Variants in GADL1 observed in about 807,000 individuals in gnomAD.
GADL1 encodes the protein GAD like acidic amino acid decarboxylase 1.
Under a neutral mutation model 69.5 loss-of-function variants are expected in GADL1, and 71 were observed. That is an observed-to-expected ratio of 1.02 (90% CI 0.84 to 1.25). The LOEUF (loss-of-function observed/expected upper bound fraction) is 1.25. Ranked by LOEUF, GADL1 falls within the 50% of genes most tolerant of loss-of-function variation. The pLI is 0.00. For synonymous variants in GADL1, 254 were observed against 214.4 expected (o/e 1.18, Z -1.62); for missense variants, 737 against 631.8 (o/e 1.17, Z -1.79).
intron 14 of GADL1, among the ~76,000 whole-genome samples, chr3:30,748,462 T>C (rs1695745386): frequency 6.6e-6 from 1 of 151,866 alleles, no homozygotes; most frequent in Non-Finnish European, 1.5e-5. Context: ...CCCCATAGAG[T>C]TGATACAATC....
chr3:30,864,089 G>A (rs994189213), intron 1 of GADL1, among the ~76,000 whole-genome samples: 4 of 152,070 alleles, frequency 2.6e-5, no homozygotes, highest in African/African-American at 7.2e-5. Context: ...TGAAACCCTA[G>A]AATTGAGCTT....
intron 11 of GADL1, among the ~76,000 whole-genome samples, chr3:30,817,114 A>G (rs1049602713): frequency 6.6e-6 from 1 of 152,184 alleles, no homozygotes; most frequent in Admixed American, 6.5e-5. Flanking sequence ...ATGAGAGACA[A>G]TATGTCTTCT....
chr3:30,728,878 A>C (rs1695410756), intron 14 of GADL1, among the ~76,000 whole-genome samples: 1 of 152,200 alleles, frequency 6.6e-6, no homozygotes, highest in Non-Finnish European at 1.5e-5. Flanking sequence ...TTAGTCATAG[A>C]TGGAAAAGAA....
intron 9 of GADL1, among the ~76,000 whole-genome samples, 157 bp from the exon 10 acceptor site, chr3:30,834,438 G>A (rs1697840245): frequency 6.6e-6 from 1 of 151,978 alleles, no homozygotes; most frequent in African/African-American, 2.4e-5. Context: ...TCTGATCACT[G>A]GCTCTACTCA....
intron 14 of GADL1, among the ~76,000 whole-genome samples, chr3:30,770,097 A>G (rs2062775): frequency 0.22 from 33,725 of 152,084 alleles, 6,809 homozygotes; most frequent in African/African-American, 0.54. Context: ...AGCTGAGTAG[A>G]GGTTGTTCCC....
chr3:30,823,221 A>G (rs149197904), intron 11 of GADL1, among the ~76,000 whole-genome samples: 1,687 of 150,296 alleles, frequency 0.011, 21 homozygotes, highest in Middle Eastern at 0.031. Context: ...TTTCAGACTC[A>G]GGGAGGACAG....
chr3:30,800,291 G>A (rs1697133414), intron 12 of GADL1: 1 of 153,074 alleles, frequency 6.5e-6, no homozygotes, highest in Non-Finnish European at 1.5e-5. Flanking sequence ...GAGAAAACGA[G>A]GAAGAATGCA....
At chr3:30,830,846 A>G (rs1350896571) in intron 11 of GADL1, among the ~76,000 whole-genome samples, 1 of 151,920 alleles carries the variant, frequency 6.6e-6, no homozygotes, top group Non-Finnish European at 1.5e-5. Flanking sequence ...TTTCACTCTC[A>G]ACTCTTTCCT....
chr3:30,733,079 C>A (rs1366444854), intron 14 of GADL1, among the ~76,000 whole-genome samples: 1 of 151,998 alleles, frequency 6.6e-6, no homozygotes, highest in African/African-American at 2.4e-5. Context: ...TTCAAACTAT[C>A]TGTGGGGAAG....
At chr3:30,813,492 AAATC>A (rs1480592979) in intron 11 of GADL1, among the ~76,000 whole-genome samples, 1 of 152,158 alleles carries the variant, frequency 6.6e-6, no homozygotes, top group Non-Finnish European at 1.5e-5. Flanking sequence ...ATACTTAACA[AAATC>A]AATCTATGTC....
chr3:30,855,444 G>A (rs1698214653), intron 3 of GADL1, among the ~76,000 whole-genome samples: 1 of 152,026 alleles, frequency 6.6e-6, no homozygotes, highest in Non-Finnish European at 1.5e-5. Flanking sequence ...CCCAGGCTAT[G>A]GCACTGAGCA....
chr3:30,885,280 T>G (rs932743774), intron 1 of GADL1, among the ~76,000 whole-genome samples: 8 of 152,122 alleles, frequency 5.3e-5, no homozygotes, highest in African/African-American at 1.9e-4. Flanking sequence ...CTGTCTTATC[T>G]ATGATTTAAA....
intron 12 of GADL1, among the ~76,000 whole-genome samples, chr3:30,787,194 C>T (rs909399705): frequency 6.7e-6 from 1 of 150,216 alleles, no homozygotes; most frequent in Non-Finnish European, 1.5e-5. Context: ...TTAAAAAATA[C>T]AAGAAAAAAA....
At chr3:30,780,843 TCTTTG>T (rs1370006382) in intron 13 of GADL1, among the ~76,000 whole-genome samples, 1 of 152,208 alleles carries the variant, frequency 6.6e-6, no homozygotes, top group Non-Finnish European at 1.5e-5. Flanking sequence ...ATTTGGAATA[TCTTTG>T]CTTTGGTCAT....
chr3:30,734,363 A>G (rs991649174), intron 14 of GADL1, among the ~76,000 whole-genome samples: 17 of 152,224 alleles, frequency 1.1e-4, no homozygotes, highest in African/African-American at 3.9e-4. Flanking sequence ...TCTGAACTAC[A>G]TATCTGACCA....
chr3:30,740,991 TTATATATTAA>T (rs1295628361), intron 14 of GADL1, among the ~76,000 whole-genome samples: 2 of 104,700 alleles, frequency 1.9e-5, no homozygotes, highest in Non-Finnish European at 3.7e-5. Flanking sequence ...ATATTATATA[TTATATATTAA>T]TATATATTAT....
chr3:30,743,215 A>C (rs1695652209), intron 14 of GADL1, among the ~76,000 whole-genome samples: 1 of 152,204 alleles, frequency 6.6e-6, no homozygotes, highest in Admixed American at 6.5e-5. Context: ...ATAGCCAGAA[A>C]TATATGCATT....
chr3:30,860,602 A>G (rs1287751505), intron 2 of GADL1, among the ~76,000 whole-genome samples: 2 of 152,030 alleles, frequency 1.3e-5, no homozygotes, highest in African/African-American at 2.4e-5. Context: ...TCCGAAAGGC[A>G]TGTGATCAAA....
At chr3:30,760,462 CAG>C (rs1382219667) in intron 14 of GADL1, among the ~76,000 whole-genome samples, 5 of 152,164 alleles carry the variant, frequency 3.3e-5, no homozygotes, top group African/African-American at 1.2e-4. Flanking sequence ...TAGCTACCAA[CAG>C]ACTGTGTCTA....
Sources: gnomAD v4.1 joint callset for allele counts (sites outside exome capture counted in the v4.1 genomes callset) on GRCh38, gnomAD v4.1.1 for gene constraint, MANE v1.5 for transcripts, NCBI Gene and HGNC (gene_info 2026-07-23, HGNC 2026-07-21) for gene names.